Variants in FIG4 observed in about 807,000 individuals in gnomAD.
FIG4 encodes polyphosphoinositide phosphatase.
In FIG4, 112 loss-of-function variants were observed where a neutral mutation model predicts 118.6. The ratio of observed to expected loss-of-function variants is 0.94; its 90% CI spans 0.81 to 1.11. The LOEUF is 1.11. Ranked by LOEUF, FIG4 falls within the 50% of genes least tolerant of loss-of-function variation. The pLI is 0.00. For synonymous variants in FIG4, 369 were observed against 381.2 expected (o/e 0.97, Z 0.37); for missense variants, 969 against 1,111.7 (o/e 0.87, Z 1.83).
intron 4 of FIG4, among the ~76,000 whole-genome samples, chr6:109,729,580 A>G (rs1390424517): frequency 6.6e-6 from 1 of 152,122 alleles, no homozygotes; most frequent in Non-Finnish European, 1.5e-5. Context: ...GAGAATATCT[A>G]CAAATTCTCG....
At chr6:109,720,138 T>G (rs1775561639) in intron 3 of FIG4, among the ~76,000 whole-genome samples, 1 of 152,212 alleles carries the variant, frequency 6.6e-6, no homozygotes, top group Admixed American at 6.5e-5. Flanking sequence ...CTGGTAAACA[T>G]TTAGTATTTT....
intron 22 of FIG4, among the ~76,000 whole-genome samples, chr6:109,805,895 A>G (rs1033404319): frequency 1.3e-5 from 2 of 152,202 alleles, no homozygotes; most frequent in Non-Finnish European, 2.9e-5. Context: ...TAATAGAGTT[A>G]GTGTGCTCAA....
chr6:109,821,003 T>C (rs1778991210), intron 22 of FIG4, among the ~76,000 whole-genome samples: 1 of 152,178 alleles, frequency 6.6e-6, no homozygotes, highest in Non-Finnish European at 1.5e-5. Flanking sequence ...TCATTGAAGC[T>C]GAAACAGAAG....
In FIG4 at chr6:109,743,726, T is replaced by A. The variant is rs772677048; in HGVS notation, c.1091T>A (p.Met364Lys). The part of the protein sequence containing the change: ...AHVAALHFDQ[M>K]FQRFGSPIII... ...GTGGCTGCCCTTCACTTTGACCAGA[T>A]GTTCCAGAGGTTTGGCTCTCCCATC... The change falls in exon 10 of 23, where the codon ATG becomes AAG. Residue 364 changes from methionine (M) to lysine (K), a missense_variant. Met to Lys is a moderately conservative substitution (Grantham distance 95, BLOSUM62 -1). Coordinates refer to ENST00000230124, the MANE Select transcript of FIG4 (RefSeq NM_014845.6). The A allele has an allele frequency of 2.5e-5, 40 of 1,612,956 alleles. No homozygotes were observed. The highest frequency in any genetic ancestry group is 5.9e-6 in the Non-Finnish European group (7 of 1,179,344).
At chr6:109,723,614 A>T (rs1329097143) in intron 3 of FIG4, among the ~76,000 whole-genome samples, 1 of 152,202 alleles carries the variant, frequency 6.6e-6, no homozygotes, top group Admixed American at 6.5e-5. Flanking sequence ...CCTAGTTATC[A>T]TATAAAATGG....
chr6:109,730,832 G>T (rs1447991254), intron 4 of FIG4, among the ~76,000 whole-genome samples: 1 of 152,016 alleles, frequency 6.6e-6, no homozygotes, highest in African/African-American at 2.4e-5. Context: ...GTATGGAAAA[G>T]GATTTTACAA....
At chr6:109,745,250 TC>T (rs992462293) in intron 10 of FIG4, among the ~76,000 whole-genome samples, 6 of 152,198 alleles carry the variant, frequency 3.9e-5, no homozygotes, top group African/African-American at 1.4e-4. Context: ...TAATTTACAC[TC>T]CCACCAACAG....
chr6:109,741,369 T>C (rs1036349691), intron 7 of FIG4, 75 bp from the exon 8 acceptor site: 65 of 947,736 alleles, frequency 6.9e-5, no homozygotes, highest in Non-Finnish European at 1.0e-4. Flanking sequence ...TCTAAATGTT[T>C]ATTTAAGGAA....
At position 109,762,250 on chromosome 6, in the gene FIG4, G is replaced by C. The variant is rs776611599; in HGVS notation, c.1388+43G>C. 2.4e-5 allele frequency: 29 copies of C among 1,192,722 alleles called. No individual in the cohort carries two copies. The East Asian group carries it at 6.5e-4, about 27-fold the overall frequency. 73.9% of individuals were successfully genotyped at this position (1,192,722 alleles called of 1,614,324 possible). ...AAACTTATAATAAATGATGATTTTT[G>C]CTCTTATGGGTATTCTAAATACAGC... On this transcript the variant is annotated intron_variant, in intron 12 of 22. Transcript: ENST00000230124.
rs1321436747 is a variant in FIG4 at position 109,727,284 on chromosome 6, A to AC, written c.446+21dup. On this transcript the variant is annotated intron_variant, in intron 4 of 22. Transcript: ENST00000230124. ...AAGCTAGGTATGTATGGTGGTAACT[A>AC]CCTTTTTTTTTTTGGAGACAAGGTC... 2 of 1,464,344 alleles carry AC rather than the reference A, an allele frequency of 1.4e-6. No individual in the cohort carries two copies. Among genetic ancestry groups the AC allele is most frequent in the Non-Finnish European group, 1.8e-6 (2 of 1,103,100 alleles). 90.7% of individuals were successfully genotyped at this position (1,464,344 alleles called of 1,614,324 possible). A position where few individuals can be genotyped will look rare whatever the true frequency, so the allele number is the denominator to read the frequency against.
rs577985254 is a variant in FIG4, at chr6:109,777,158, G to A, written c.1889+98G>A. 3.1e-5 allele frequency: 36 copies of A among 1,178,492 alleles called. No homozygotes were observed. In the East Asian group the frequency reaches 8.7e-4, roughly 28 times the overall value. 73.0% of individuals were successfully genotyped at this position (1,178,492 alleles called of 1,614,324 possible). A position where few individuals can be genotyped will look rare whatever the true frequency, so the allele number is the denominator to read the frequency against. Reference sequence around the variant, plus strand: ...GAGAAATCATAGGCTAAAATAGTCAGTTTTATTTTATTTTTTAAAATTTTT... The same window carrying A: ...GAGAAATCATAGGCTAAAATAGTCAATTTTATTTTATTTTTTAAAATTTTT... On this transcript the variant is annotated intron_variant, in intron 16 of 22. Transcript: ENST00000230124.
chr6:109,720,398 T>G (rs1408493033), intron 3 of FIG4, among the ~76,000 whole-genome samples: 1 of 152,260 alleles, frequency 6.6e-6, no homozygotes, highest in Non-Finnish European at 1.5e-5. Flanking sequence ...CTTCACTAAC[T>G]TTTTGAACAT....
chr6:109,760,137 A>G (rs1777057331), intron 10 of FIG4, 113 bp from the exon 11 acceptor site: 2 of 787,352 alleles, frequency 2.5e-6, no homozygotes, highest in African/African-American at 1.7e-5. Context: ...TCATTTTAGT[A>G]TATTTAAGAC....
intron 10 of FIG4, among the ~76,000 whole-genome samples, chr6:109,758,013 A>G (rs1378789941): frequency 6.6e-6 from 1 of 152,246 alleles, no homozygotes; most frequent in Non-Finnish European, 1.5e-5. Context: ...AAGAATCAAT[A>G]TTGTGAAAAT....
At chr6:109,704,455 A>C (rs1033958139) in intron 1 of FIG4, among the ~76,000 whole-genome samples, 4 of 152,252 alleles carry the variant, frequency 2.6e-5, no homozygotes, top group Admixed American at 6.5e-5. Context: ...CAGGAGTTCA[A>C]GACCAGCCAG....
intron 3 of FIG4, among the ~76,000 whole-genome samples, chr6:109,722,354 A>G (rs184534996): frequency 1.3e-5 from 2 of 152,144 alleles, no homozygotes; most frequent in African/African-American, 4.8e-5. Flanking sequence ...GCATCTTTCC[A>G]TTATAGATTT....
At chr6:109,755,433 T>A (rs1271200958) in intron 10 of FIG4, among the ~76,000 whole-genome samples, 1 of 152,162 alleles carries the variant, frequency 6.6e-6, no homozygotes, top group Non-Finnish European at 1.5e-5. Flanking sequence ...GGTGGAGAGT[T>A]CTGTAGATGT....
chr6:109,796,901 A>C, intron 22 of FIG4, 50 bp downstream of exon 22: 1 of 1,053,022 alleles, frequency 9.5e-7, no homozygotes, highest in Non-Finnish European at 1.5e-6. Context: ...CATGCCACTC[A>C]TAGGGCTTTC....
intron 1 of FIG4, among the ~76,000 whole-genome samples, chr6:109,706,672 TTGAG>T (rs916951522): frequency 6.6e-6 from 1 of 152,216 alleles, no homozygotes; most frequent in Non-Finnish European, 1.5e-5. Flanking sequence ...CTAACACTTA[TTGAG>T]TGTCTTTTTT....
Sources: gnomAD v4.1 joint callset for allele counts (sites outside exome capture counted in the v4.1 genomes callset) on GRCh38, gnomAD v4.1.1 for gene constraint, MANE v1.5 for transcripts, NCBI Gene and HGNC (gene_info 2026-07-23, HGNC 2026-07-21) for gene names.